Variants in ZFAND3 observed in about 807,000 individuals in gnomAD.
ZFAND3 encodes AN1-type zinc finger protein 3.
Under a neutral mutation model 29.6 loss-of-function variants are expected in ZFAND3, and 10 were observed. The observed-to-expected ratio is 0.34, with a 90% confidence interval of 0.21 to 0.57. ZFAND3 has a LOEUF of 0.57. Among genes scored for constraint, ZFAND3 ranks in the 20% least tolerant of loss-of-function variants. The probability of loss-of-function intolerance (pLI) is 0.86; values close to 1 mark genes in which losing one functional copy is unlikely to be tolerated. For missense variants in ZFAND3, 230 were observed against 304.5 expected (o/e 0.76, Z 1.82); for synonymous variants, 128 against 112.6 (o/e 1.14, Z -0.87).
chr6:37,843,436 G>A (rs1430065749), intron 1 of ZFAND3, among the ~76,000 whole-genome samples: 6 of 151,536 alleles, frequency 4.0e-5, no homozygotes, highest in Non-Finnish European at 8.8e-5. Flanking sequence ...GCAGAGAACC[G>A]AGATCGTGCC....
chr6:37,943,971 T>C (rs1761855474), intron 2 of ZFAND3, among the ~76,000 whole-genome samples: 2 of 152,220 alleles, frequency 1.3e-5, no homozygotes, highest in African/African-American at 4.8e-5. Context: ...ATAACAAAGT[T>C]GCAACAACCC....
chr6:37,857,593 A>G (rs1160783272), intron 1 of ZFAND3, among the ~76,000 whole-genome samples: 1 of 152,234 alleles, frequency 6.6e-6, no homozygotes, highest in Non-Finnish European at 1.5e-5. Flanking sequence ...AACTAAACAT[A>G]TGGAGGGTTT....
intron 2 of ZFAND3, among the ~76,000 whole-genome samples, chr6:37,986,293 A>G (rs560318631): frequency 1.3e-5 from 2 of 152,182 alleles, no homozygotes; most frequent in East Asian, 3.9e-4. Context: ...ACTCACTTAC[A>G]TTACCTGCCT....
intron 1 of ZFAND3, among the ~76,000 whole-genome samples, chr6:37,890,870 T>G (rs1302210294): frequency 6.6e-6 from 1 of 152,224 alleles, no homozygotes; most frequent in Non-Finnish European, 1.5e-5. Flanking sequence ...TCATCCTAGT[T>G]TTCAGTATGT....
At chr6:37,905,348 A>G (rs949701335) in intron 1 of ZFAND3, among the ~76,000 whole-genome samples, 2 of 152,184 alleles carry the variant, frequency 1.3e-5, no homozygotes, top group Admixed American at 6.5e-5. Flanking sequence ...GTTTTTTAAT[A>G]ATTTCCTTTC....
intron 3 of ZFAND3, among the ~76,000 whole-genome samples, chr6:38,074,282 ACT>A (rs1036512829): frequency 3.5e-4 from 53 of 152,106 alleles, no homozygotes; most frequent in African/African-American, 1.2e-3. Flanking sequence ...AAGCCAGGCC[ACT>A]CTCATTATTT....
rs1436292682 is a variant in ZFAND3 at position 37,979,422 on chromosome 6, G to A, written c.112+49423G>A. Among the ~76,000 whole-genome samples, 8 of 152,180 alleles carry A rather than the reference G, an allele frequency of 5.3e-5. No individual in the cohort carries two copies. In the East Asian group the frequency reaches 1.5e-3, roughly 29 times the overall value. On this transcript the variant is annotated intron_variant, in intron 2 of 5. Coordinates refer to ENST00000287218, the MANE Select transcript of ZFAND3 (RefSeq NM_021943.3). ...ATTTCTGTAAATGTACAAATCTTGA[G>A]CTTTGTTCGAAGATGCAGTTAAGTT...
intron 4 of ZFAND3, among the ~76,000 whole-genome samples, chr6:38,099,431 C>T (rs954948151): frequency 6.6e-6 from 1 of 152,158 alleles, no homozygotes; most frequent in Non-Finnish European, 1.5e-5. Flanking sequence ...GCCTTATGCA[C>T]CCCGTCATTC....
chr6:37,841,183 G>C (rs950462344), intron 1 of ZFAND3, among the ~76,000 whole-genome samples: 2 of 152,066 alleles, frequency 1.3e-5, no homozygotes, highest in African/African-American at 4.8e-5. Context: ...TTTTAAGAAG[G>C]GTTTCCGAAT....
intron 2 of ZFAND3, among the ~76,000 whole-genome samples, chr6:38,017,953 A>G (rs1430752001): frequency 6.6e-6 from 1 of 152,210 alleles, no homozygotes; most frequent in Non-Finnish European, 1.5e-5. Context: ...CTAGGTTCCC[A>G]GAAAACTACT....
intron 2 of ZFAND3, among the ~76,000 whole-genome samples, chr6:37,948,548 G>T (rs1019758628): frequency 6.6e-6 from 1 of 152,166 alleles, no homozygotes; most frequent in Non-Finnish European, 1.5e-5. Flanking sequence ...TTGGCGTACA[G>T]ATTAGTCACC....
intron 5 of ZFAND3, among the ~76,000 whole-genome samples, chr6:38,123,974 A>G (rs6916091): frequency 0.71 from 108,214 of 151,924 alleles, 39,293 homozygotes; most frequent in African/African-American, 0.82. Context: ...CTACTGACAC[A>G]GGCAGCCTGC....
At chr6:37,977,206 T>C (rs1445364049) in intron 2 of ZFAND3, among the ~76,000 whole-genome samples, 1 of 152,204 alleles carries the variant, frequency 6.6e-6, no homozygotes, top group Non-Finnish European at 1.5e-5. Context: ...ATTGTATATG[T>C]GGTCTGTCAT....
At chr6:37,976,897 T>G (rs1346576859) in intron 2 of ZFAND3, among the ~76,000 whole-genome samples, 1 of 152,078 alleles carries the variant, frequency 6.6e-6, no homozygotes, top group Non-Finnish European at 1.5e-5. Context: ...GATTACAATT[T>G]TAGATGATAT....
chr6:38,070,895 T>C (rs928999598), intron 3 of ZFAND3, among the ~76,000 whole-genome samples: 5 of 152,056 alleles, frequency 3.3e-5, no homozygotes, highest in Non-Finnish European at 5.9e-5. Context: ...GGCAAAAGAA[T>C]AGCTCATTTT....
intron 2 of ZFAND3, among the ~76,000 whole-genome samples, chr6:37,997,899 T>C (rs925374432): frequency 1.3e-5 from 2 of 152,186 alleles, no homozygotes; most frequent in East Asian, 1.9e-4. Flanking sequence ...GAAGAGACTT[T>C]GGTGACTTCA....
intron 1 of ZFAND3, among the ~76,000 whole-genome samples, chr6:37,821,619 A>G (rs1288689682): frequency 6.6e-6 from 1 of 152,186 alleles, no homozygotes; most frequent in Non-Finnish European, 1.5e-5. Context: ...GCTGCCCTGG[A>G]AAAATCTTGT....
chr6:38,030,008 T>C lies in ZFAND3; in HGVS notation c.113-31585T>C, dbSNP rs951423854. Among the ~76,000 whole-genome samples the C allele has an allele frequency of 9.7e-5, 13 of 133,782 alleles. No individual in the cohort carries two copies. In the South Asian group the frequency reaches 2.6e-3, roughly 27 times the overall value. The allele number at this position is 133,782 out of a possible 152,430, so 87.8% of individuals were successfully genotyped here. On this transcript the variant is annotated intron_variant, in intron 2 of 5. Transcript: ENST00000287218. ...TGTCTGGTATCAAATTTATTCTGCC[T>C]TGAAGAACTTTCTTTAGCATTTCTT...
chr6:37,884,274 A>G (rs1764949859), intron 1 of ZFAND3, among the ~76,000 whole-genome samples: 1 of 144,410 alleles, frequency 6.9e-6, no homozygotes, highest in Non-Finnish European at 1.5e-5. Flanking sequence ...TGGGTGGATC[A>G]CCTGAGGTCG....
Sources: gnomAD v4.1 joint callset for allele counts (sites outside exome capture counted in the v4.1 genomes callset) on GRCh38, gnomAD v4.1.1 for gene constraint, MANE v1.5 for transcripts, NCBI Gene and HGNC (gene_info 2026-07-23, HGNC 2026-07-21) for gene names.